ACACA: variants seen among roughly 807,000 people sequenced by gnomAD.
ACACA encodes acetyl-CoA carboxylase alpha.
A neutral mutation model predicts 296.1 loss-of-function variants in ACACA; 103 were observed. The observed-to-expected ratio is 0.35, with a 90% confidence interval of 0.30 to 0.41. The LOEUF (loss-of-function observed/expected upper bound fraction) is 0.41, where lower values mean the gene tolerates loss of function less well. Ranked by LOEUF, ACACA falls within the 10% of genes least tolerant of loss-of-function variation. ACACA has a pLI of 1.00. For synonymous variants in ACACA, 953 were observed against 1,038.6 expected (o/e 0.92, Z 1.58); for missense variants, 1,554 against 2,989.7 (o/e 0.52, Z 11.20).
At chr17:37,328,315 C>A (rs1455528775) in intron 3 of ACACA, among the ~76,000 whole-genome samples, 4 of 152,122 alleles carry the variant, frequency 2.6e-5, no homozygotes, top group Non-Finnish European at 4.4e-5. Flanking sequence ...GCCTGTAATC[C>A]CAGCACTTTG....
intron 41 of ACACA, among the ~76,000 whole-genome samples, chr17:37,172,929 A>G (rs1179864799): frequency 6.6e-6 from 1 of 152,218 alleles, no homozygotes; most frequent in African/African-American, 2.4e-5. Flanking sequence ...ACTCACCTTC[A>G]GCATAGTACA....
intron 1 of ACACA, among the ~76,000 whole-genome samples, chr17:37,404,100 A>G (rs928130412): frequency 6.6e-6 from 1 of 152,114 alleles, no homozygotes. Context: ...TAACGACTAG[A>G]TCTCAGTATT....
At chr17:37,276,858 G>C (rs776255773) in intron 7 of ACACA, among the ~76,000 whole-genome samples, 175 bp downstream of exon 7, 3 of 148,992 alleles carry the variant, frequency 2.0e-5, no homozygotes, top group Non-Finnish European at 4.5e-5. Context: ...AGCAAAAAAT[G>C]AAAAAAAAGA....
chr17:37,248,305 A>G, intron 17 of ACACA, 149 bp from the exon 18 acceptor site: 2 of 1,071,262 alleles, frequency 1.9e-6, no homozygotes, highest in South Asian at 1.4e-5. Flanking sequence ...GTCTGTGGAC[A>G]TGGCTCAGTC....
intron 1 of ACACA, among the ~76,000 whole-genome samples, chr17:37,401,439 C>T (rs1174735970): frequency 6.6e-6 from 1 of 151,884 alleles, no homozygotes. Flanking sequence ...GTGATCCACC[C>T]GCCTCGGCCT....
chr17:37,342,097 A>G (rs1398348102), intron 1 of ACACA, among the ~76,000 whole-genome samples: 3 of 151,978 alleles, frequency 2.0e-5, no homozygotes, highest in Non-Finnish European at 1.5e-5. Context: ...ACAATGCCAA[A>G]TTCTCTTTTA....
At chr17:37,334,809 A>G (rs899541092) in intron 2 of ACACA, among the ~76,000 whole-genome samples, 1 of 152,096 alleles carries the variant, frequency 6.6e-6, no homozygotes, top group South Asian at 2.1e-4. Flanking sequence ...TGGAGAATGC[A>G]GCGTCCCGGA....
At chr17:37,401,045 T>C (rs1049645735) in intron 1 of ACACA, among the ~76,000 whole-genome samples, 1 of 152,206 alleles carries the variant, frequency 6.6e-6, no homozygotes, top group Non-Finnish European at 1.5e-5. Context: ...TCCTTGCCAA[T>C]GCTTATCTCG....
At chr17:37,311,947 G>A (rs1168096816) in intron 3 of ACACA, among the ~76,000 whole-genome samples, 5 of 151,960 alleles carry the variant, frequency 3.3e-5, no homozygotes, top group African/African-American at 1.2e-4. Context: ...CATTTCAGAA[G>A]GTCTTTAAAG....
At chr17:37,292,082 C>T (rs2083095314) in intron 3 of ACACA, among the ~76,000 whole-genome samples, 1 of 151,506 alleles carries the variant, frequency 6.6e-6, no homozygotes, top group Non-Finnish European at 1.5e-5. Context: ...ACTACCCTTG[C>T]GGAAATGTGT....
At chr17:37,194,085 G>T (rs541046540) in intron 35 of ACACA, among the ~76,000 whole-genome samples, 35 of 151,748 alleles carry the variant, frequency 2.3e-4, no homozygotes, top group African/African-American at 8.0e-4. Context: ...AATTAACAAA[G>T]ATGAATTCAA....
At position 37,244,827 on chromosome 17, in the gene ACACA, G is replaced by C. The variant is rs2080612579; in HGVS notation, c.2596-93C>G. ...CTTAAGAGTTATCATTCAAAATCGAGACATCATACCCAGCTACCAGGAGGG... is the reference window on the plus strand; with the variant it reads ...CTTAAGAGTTATCATTCAAAATCGACACATCATACCCAGCTACCAGGAGGG... On this transcript the variant is annotated intron_variant, in intron 20 of 55. Transcript: ENST00000616317. 3 of 1,548,516 alleles carry C rather than the reference G, an allele frequency of 1.9e-6. No individual in the cohort carries two copies. In the Admixed American group the frequency reaches 5.0e-5, roughly 26 times the overall value.
chr17:37,322,140 T>C (rs1195224606), intron 3 of ACACA, among the ~76,000 whole-genome samples: 1 of 152,198 alleles, frequency 6.6e-6, no homozygotes, highest in Non-Finnish European at 1.5e-5. Context: ...TTCAAAAATA[T>C]TGGTAAAGTA....
At chr17:37,268,425 C>T (rs138072708) in intron 10 of ACACA, among the ~76,000 whole-genome samples, 82 of 152,214 alleles carry the variant, frequency 5.4e-4, no homozygotes, top group African/African-American at 1.8e-3. Context: ...AGTCTATTTC[C>T]AGTTCACCCT....
At chr17:37,166,418 T>C (rs2076671082) in intron 41 of ACACA, among the ~76,000 whole-genome samples, 1 of 152,134 alleles carries the variant, frequency 6.6e-6, no homozygotes, top group Non-Finnish European at 1.5e-5. Context: ...GGATTACAGG[T>C]GTGAGCCACT....
intron 2 of ACACA, among the ~76,000 whole-genome samples, chr17:37,337,641 C>G (rs1461194556): frequency 6.6e-6 from 1 of 151,872 alleles, no homozygotes; most frequent in Non-Finnish European, 1.5e-5. Flanking sequence ...TTTGTACAGA[C>G]AGCATCTCCA....
chr17:37,177,240 T>TA (rs897806494), intron 41 of ACACA, among the ~76,000 whole-genome samples: 7 of 150,230 alleles, frequency 4.7e-5, no homozygotes, highest in African/African-American at 1.2e-4. Flanking sequence ...TTAAAGGGGT[T>TA]AAAAAAAACC....
intron 35 of ACACA, 134 bp from the exon 36 acceptor site, chr17:37,193,549 A>T (rs1413377562): frequency 4.5e-6 from 3 of 664,714 alleles, no homozygotes; most frequent in South Asian, 1.9e-5. Flanking sequence ...AGCTTAGTCC[A>T]GGAAATATAT....
At chr17:37,325,764 G>A (rs1007714428) in intron 3 of ACACA, among the ~76,000 whole-genome samples, 4 of 151,384 alleles carry the variant, frequency 2.6e-5, no homozygotes, top group African/African-American at 9.7e-5. Flanking sequence ...AGTAGAGATG[G>A]GGTTTCTCCA....
Sources: allele counts gnomAD v4.1 joint callset (sites outside exome capture counted in the v4.1 genomes callset), GRCh38; gene constraint gnomAD v4.1.1; transcripts MANE v1.5; gene names NCBI Gene and HGNC (gene_info 2026-07-23, HGNC 2026-07-21).